SEMA3D: variants seen among roughly 807,000 people sequenced by gnomAD.
SEMA3D encodes the protein semaphorin 3D.
In SEMA3D, 84 loss-of-function variants were observed where a neutral mutation model predicts 100.1. The observed-to-expected ratio is 0.84, with a 90% CI of 0.70 to 1.01. SEMA3D has a LOEUF of 1.01. SEMA3D is among the 50% of genes least tolerant of loss of function. The probability of loss-of-function intolerance (pLI) is 0.00; values close to 1 mark genes in which losing one functional copy is unlikely to be tolerated. For missense variants in SEMA3D, 875 were observed against 934.1 expected (o/e 0.94, Z 0.82); for synonymous variants, 312 against 320.7 (o/e 0.97, Z 0.29).
intron 17 of SEMA3D, among the ~76,000 whole-genome samples, chr7:85,010,928 G>C (rs1304831167): frequency 6.6e-6 from 1 of 151,682 alleles, no homozygotes; most frequent in Admixed American, 6.6e-5. Context: ...ATATTTAAAA[G>C]GTGAGATGAA....
At chr7:85,045,465 G>A (rs984122773) in intron 9 of SEMA3D, among the ~76,000 whole-genome samples, 4 of 151,670 alleles carry the variant, frequency 2.6e-5, no homozygotes, top group Admixed American at 6.6e-5. Flanking sequence ...AAAGCCTGTC[G>A]GTAATTGCTC....
intron 14 of SEMA3D, among the ~76,000 whole-genome samples, chr7:85,019,132 T>C (rs1461849468): frequency 2.0e-5 from 3 of 151,754 alleles, no homozygotes; most frequent in Non-Finnish European, 4.4e-5. Flanking sequence ...TTTGTTTGTA[T>C]CTCAATTATA....
chr7:85,224,173 A>G, the SEMA3D span, among the ~76,000 whole-genome samples: 11 of 152,334 alleles, frequency 7.2e-5, no homozygotes, highest in African/African-American at 2.6e-4. Flanking sequence ...TGTAATTCCC[A>G]TAACACACAC....
chr7:85,073,531 C>G (rs1313083090), intron 5 of SEMA3D, among the ~76,000 whole-genome samples: 1 of 151,954 alleles, frequency 6.6e-6, no homozygotes, highest in Admixed American at 6.6e-5. Flanking sequence ...ACTACAAGCA[C>G]CCACCACCAC....
intron 5 of SEMA3D, among the ~76,000 whole-genome samples, chr7:85,080,773 G>T (rs563065408): frequency 6.6e-6 from 1 of 152,074 alleles, no homozygotes; most frequent in Admixed American, 6.6e-5. Flanking sequence ...GATAAATCAG[G>T]TTACATGATT....
the SEMA3D span, among the ~76,000 whole-genome samples, chr7:85,249,009 A>C: frequency 2.6e-5 from 4 of 152,196 alleles, no homozygotes; most frequent in Non-Finnish European, 5.9e-5. Context: ...AATGTAGTTT[A>C]ATTAGTTGTA....
the SEMA3D span, among the ~76,000 whole-genome samples, chr7:85,194,242 T>A: frequency 5.9e-5 from 9 of 152,148 alleles, no homozygotes; most frequent in East Asian, 1.9e-4. Flanking sequence ...AGTACTTTTT[T>A]AAAAAGTAGT....
chr7:85,226,006 T>A, the SEMA3D span, among the ~76,000 whole-genome samples: 1 of 152,348 alleles, frequency 6.6e-6, no homozygotes, highest in East Asian at 1.9e-4. Flanking sequence ...ATTACACTTA[T>A]GACTTCTCTT....
chr7:85,068,101 A>G (rs985863063), intron 7 of SEMA3D, 90 bp downstream of exon 7: 7 of 760,212 alleles, frequency 9.2e-6, no homozygotes, highest in Non-Finnish European at 1.6e-5. Flanking sequence ...GTAAAAAATT[A>G]CCTTTAACTC....
At chr7:85,194,770 T>C in the SEMA3D span, among the ~76,000 whole-genome samples, 1 of 152,306 alleles carries the variant, frequency 6.6e-6, no homozygotes, top group South Asian at 2.1e-4. Context: ...AAGTCAAAGA[T>C]CAAGGTATCA....
the SEMA3D span, among the ~76,000 whole-genome samples, chr7:85,240,313 C>G: frequency 6.6e-6 from 1 of 151,882 alleles, no homozygotes; most frequent in African/African-American, 2.4e-5. Context: ...CTTGATTTTC[C>G]AATGTTGAAC....
At chr7:85,023,801 G>A (rs1051391283) in intron 12 of SEMA3D, among the ~76,000 whole-genome samples, 1 of 151,714 alleles carries the variant, frequency 6.6e-6, no homozygotes, top group African/African-American at 2.4e-5. Flanking sequence ...AATCATAATG[G>A]CTTATTATGA....
intron 8 of SEMA3D, among the ~76,000 whole-genome samples, chr7:85,064,397 G>C (rs902719321): frequency 2.0e-5 from 3 of 152,128 alleles, no homozygotes; most frequent in African/African-American, 7.2e-5. Context: ...TTCTATATTT[G>C]TTTTCCCTTT....
At chr7:85,219,186 C>T in the SEMA3D span, among the ~76,000 whole-genome samples, 19 of 151,870 alleles carry the variant, frequency 1.3e-4, no homozygotes, top group South Asian at 4.2e-4. Context: ...TTTGTGGTGG[C>T]ATCTGCCAGA....
At chr7:85,249,961 T>C in the SEMA3D span, among the ~76,000 whole-genome samples, 2 of 151,990 alleles carry the variant, frequency 1.3e-5, no homozygotes, top group Non-Finnish European at 2.9e-5. Flanking sequence ...AGGTACCGGG[T>C]TCATCTCACT....
chr7:85,122,417 G>T (rs1051208327), intron 2 of SEMA3D, among the ~76,000 whole-genome samples: 37 of 152,080 alleles, frequency 2.4e-4, no homozygotes, highest in African/African-American at 8.7e-4. Flanking sequence ...AGAAATAAAT[G>T]CACCACAAGA....
intron 1 of SEMA3D, among the ~76,000 whole-genome samples, chr7:85,168,349 C>G (rs1317202574): frequency 6.6e-6 from 1 of 151,788 alleles, no homozygotes; most frequent in Non-Finnish European, 1.5e-5. Context: ...AACTTTTTAT[C>G]AATGTATGAC....
At chr7:85,132,711 A>G (rs1387494499) in intron 2 of SEMA3D, among the ~76,000 whole-genome samples, 1 of 151,966 alleles carries the variant, frequency 6.6e-6, no homozygotes, top group Non-Finnish European at 1.5e-5. Flanking sequence ...AAATGTAGAA[A>G]TATCATCTTA....
At chr7:85,195,737 T>C in the SEMA3D span, among the ~76,000 whole-genome samples, 1 of 152,144 alleles carries the variant, frequency 6.6e-6, no homozygotes, top group African/African-American at 2.4e-5. Flanking sequence ...TTCTTAACTC[T>C]TTTTTTATGG....
Sources: gnomAD v4.1 joint callset for allele counts (sites outside exome capture counted in the v4.1 genomes callset) on GRCh38, gnomAD v4.1.1 for gene constraint, MANE v1.5 for transcripts, NCBI Gene and HGNC (gene_info 2026-07-23, HGNC 2026-07-21) for gene names.